The following SSBP2 variants were observed in gnomAD, a reference collection of about 807,000 sequenced individuals.
The protein encoded by SSBP2 is single-stranded DNA-binding protein 2.
Under a neutral mutation model 61.8 loss-of-function variants are expected in SSBP2, and 17 were observed. The ratio of observed to expected loss-of-function variants is 0.28; its 90% confidence interval spans 0.19 to 0.41. The LOEUF is 0.41. Among genes scored for constraint, SSBP2 ranks in the 10% least tolerant of loss-of-function variants. SSBP2 has a pLI of 1.00. For synonymous variants in SSBP2, 139 were observed against 141.3 expected (o/e 0.98, Z 0.12); for missense variants, 310 against 458.7 (o/e 0.68, Z 2.96).
chr5:81,482,632 G>T (rs1255846748), intron 6 of SSBP2, among the ~76,000 whole-genome samples: 2 of 152,180 alleles, frequency 1.3e-5, no homozygotes, highest in Non-Finnish European at 2.9e-5. Flanking sequence ...CAGAACTGAA[G>T]AGACTAAAGG....
intron 15 of SSBP2, among the ~76,000 whole-genome samples, chr5:81,430,430 C>T (rs771187605): frequency 6.6e-6 from 1 of 152,120 alleles, no homozygotes; most frequent in Non-Finnish European, 1.5e-5. Flanking sequence ...AACATTCATA[C>T]CCCCTGTGGT....
intron 4 of SSBP2, among the ~76,000 whole-genome samples, chr5:81,547,872 G>A (rs1037714037): frequency 6.6e-6 from 1 of 152,174 alleles, no homozygotes; most frequent in East Asian, 1.9e-4. Flanking sequence ...AAGGCAAAAG[G>A]AGACAGTGAA....
intron 1 of SSBP2, among the ~76,000 whole-genome samples, chr5:81,703,144 C>A (rs1000151636): frequency 6.6e-5 from 10 of 152,018 alleles, no homozygotes; most frequent in Non-Finnish European, 1.5e-4. Flanking sequence ...AAGCAGTTTG[C>A]CTATTAAATT....
intron 9 of SSBP2, among the ~76,000 whole-genome samples, chr5:81,461,623 T>C (rs574854011): frequency 6.6e-6 from 1 of 152,168 alleles, no homozygotes; most frequent in African/African-American, 2.4e-5. Context: ...CACACATTAC[T>C]TTTATATTTA....
At chr5:81,579,847 A>T (rs1160719343) in intron 4 of SSBP2, among the ~76,000 whole-genome samples, 1 of 152,160 alleles carries the variant, frequency 6.6e-6, no homozygotes, top group Non-Finnish European at 1.5e-5. Flanking sequence ...TAATTAAAAC[A>T]TATGGCTATT....
intron 4 of SSBP2, among the ~76,000 whole-genome samples, chr5:81,564,529 G>T (rs761572112): frequency 7.2e-5 from 11 of 152,092 alleles, no homozygotes; most frequent in South Asian, 2.1e-4. Context: ...TCCCAGAATT[G>T]TCATCCCCAG....
intron 4 of SSBP2, among the ~76,000 whole-genome samples, chr5:81,561,793 A>T (rs1215477326): frequency 1.3e-5 from 2 of 152,208 alleles, no homozygotes; most frequent in African/African-American, 4.8e-5. Context: ...TGCTGAAATT[A>T]AAGATTCATT....
chr5:81,687,428 T>C (rs1752901433), intron 1 of SSBP2, among the ~76,000 whole-genome samples: 1 of 152,210 alleles, frequency 6.6e-6, no homozygotes, highest in Non-Finnish European at 1.5e-5. Flanking sequence ...ACACAAGTAC[T>C]ACAATTCCTG....
Position 81,583,420 on chromosome 5 carries a change from G to T in SSBP2, c.282+32053C>A, listed in dbSNP as rs372961313. ...CAAGGCGGGCAGATCACAAGGTCAG[G>T]AGATTGAGACCATCCTGGCTAACAC... On this transcript the variant is annotated intron_variant, in intron 4 of 16. Transcript: ENST00000320672. 6.6e-5 allele frequency among the ~76,000 whole-genome samples: 10 copies of T among 152,166 alleles called. No individual in the cohort carries two copies. In the East Asian group the frequency reaches 9.7e-4, roughly 15 times the overall value.
At chr5:81,445,202 GACTTCTATGTACAGAAAA>G (rs1763330760) in intron 12 of SSBP2, among the ~76,000 whole-genome samples, 1 of 118,000 alleles carries the variant, frequency 8.5e-6, no homozygotes, top group Admixed American at 1.0e-4. Context: ...GAAAATGTCT[GACTTCTATGTACAGAAAA>G]ACTTTACAAT....
chr5:81,445,404 GT>G (rs1182127600), intron 12 of SSBP2, among the ~76,000 whole-genome samples: 1 of 151,456 alleles, frequency 6.6e-6, no homozygotes, highest in African/African-American at 2.4e-5. Flanking sequence ...AATGTTCAGT[GT>G]TGCTCCAAAA....
chr5:81,639,997 T>C (rs1441057448), intron 2 of SSBP2, among the ~76,000 whole-genome samples: 1 of 152,114 alleles, frequency 6.6e-6, no homozygotes, highest in Non-Finnish European at 1.5e-5. Flanking sequence ...TATAAATAAA[T>C]GGGAACCTTG....
At position 81,523,013 on chromosome 5, in the gene SSBP2, A is replaced by C. The variant is rs973695406; in HGVS notation, c.283-9296T>G. Among the ~76,000 whole-genome samples, 7 of 152,076 alleles carry C rather than the reference A, an allele frequency of 4.6e-5. No individual in the cohort carries two copies. In the East Asian group the frequency reaches 5.8e-4, roughly 13 times the overall value. The stretch of plus-strand genomic sequence containing the variant: ...AAGTAGATCCTTAGCATCTAAAAAC[A>C]GATAAAGGGCCAAAGAGTTGGTGAT... On this transcript the variant is annotated intron_variant, in intron 4 of 16. Transcript: ENST00000320672.
chr5:81,440,264 C>T (rs1762945909), intron 14 of SSBP2, among the ~76,000 whole-genome samples: 1 of 152,136 alleles, frequency 6.6e-6, no homozygotes, highest in Non-Finnish European at 1.5e-5. Flanking sequence ...GTTGGGCAAG[C>T]ATGACACGTG....
intron 2 of SSBP2, among the ~76,000 whole-genome samples, chr5:81,638,082 A>G (rs1183669328): frequency 2.4e-5 from 3 of 125,248 alleles, no homozygotes; most frequent in African/African-American, 9.1e-5. Context: ...GAAGGGGAAA[A>G]TCACACTCTG....
intron 4 of SSBP2, among the ~76,000 whole-genome samples, chr5:81,605,377 G>A (rs184213167): frequency 2.0e-5 from 3 of 152,076 alleles, no homozygotes; most frequent in East Asian, 1.9e-4. Context: ...CACAGGAATC[G>A]CAGTTCAACT....
chr5:81,581,207 G>A (rs939598037), intron 4 of SSBP2, among the ~76,000 whole-genome samples: 2 of 152,146 alleles, frequency 1.3e-5, no homozygotes, highest in Non-Finnish European at 2.9e-5. Context: ...TATGCTGTAA[G>A]TAAGATCGAG....
At chr5:81,465,089 AT>A (rs1764799465) in intron 9 of SSBP2, among the ~76,000 whole-genome samples, 1 of 152,050 alleles carries the variant, frequency 6.6e-6, no homozygotes, top group African/African-American at 2.4e-5. Context: ...AAATGTAAAT[AT>A]TTACATTTCA....
chr5:81,421,676 T>C (rs1761622049), intron 16 of SSBP2, among the ~76,000 whole-genome samples: 2 of 152,300 alleles, frequency 1.3e-5, no homozygotes, highest in Middle Eastern at 3.4e-3. Context: ...AATTGTGCCA[T>C]TGTACCCTCA....
Sources: gnomAD v4.1 joint callset for allele counts (sites outside exome capture counted in the v4.1 genomes callset) on GRCh38, gnomAD v4.1.1 for gene constraint, MANE v1.5 for transcripts, NCBI Gene and HGNC (gene_info 2026-07-23, HGNC 2026-07-21) for gene names.